Variants in SH3PXD2A observed in about 807,000 individuals in gnomAD.
SH3PXD2A encodes the protein SH3 and PX domains 2A.
A neutral mutation model predicts 115.2 loss-of-function variants in SH3PXD2A; 32 were observed. The ratio of observed to expected loss-of-function variants is 0.28; its 90% confidence interval spans 0.21 to 0.37. SH3PXD2A has a LOEUF of 0.37. Among genes scored for constraint, SH3PXD2A ranks in the 10% least tolerant of loss-of-function variants. The probability of loss-of-function intolerance (pLI) is 1.00; values close to 1 mark genes in which losing one functional copy is unlikely to be tolerated. For synonymous variants in SH3PXD2A, 610 were observed against 629.1 expected (o/e 0.97, Z 0.45); for missense variants, 1,328 against 1,498.7 (o/e 0.89, Z 1.88).
intron 1 of SH3PXD2A, among the ~76,000 whole-genome samples, chr10:103,818,699 T>G (rs1362368224): frequency 2.0e-5 from 3 of 152,152 alleles, no homozygotes; most frequent in Admixed American, 2.0e-4. Flanking sequence ...GAAGATCCTA[T>G]GGCTAGGTGA....
chr10:103,767,619 C>T (rs149535410), intron 2 of SH3PXD2A, among the ~76,000 whole-genome samples: 1 of 151,708 alleles, frequency 6.6e-6, no homozygotes, highest in Non-Finnish European at 1.5e-5. Context: ...ACAGACCACC[C>T]ACCTTCCAGA....
chr10:103,658,060 G>A (rs1402864872), intron 8 of SH3PXD2A, among the ~76,000 whole-genome samples: 2 of 152,262 alleles, frequency 1.3e-5, no homozygotes, highest in Non-Finnish European at 2.9e-5. Context: ...ACTGCATGGT[G>A]TTGTTCCATG....
Position 103,666,811 on chromosome 10 carries a change from G to A in SH3PXD2A, c.472+1797C>T, listed in dbSNP as rs1016491890. Among the ~76,000 whole-genome samples, 1 of 152,248 alleles carries A rather than the reference G, an allele frequency of 6.6e-6. No individual in the cohort carries two copies. The highest frequency in any genetic ancestry group is 2.4e-5 in the African/African-American group (1 of 41,462). On this transcript the variant is annotated intron_variant, in intron 7 of 14. Transcript: ENST00000369774. This position sits in a 1 kb window ranked among gnomAD's most constrained non-coding sequence, Gnocchi z 4.5. Reference sequence around the variant, plus strand: ...GTGGAGGGAATGGGAGATCTGAGGAGCAGCAAAGCTGTTGGTTCCTTCGTG... The same window carrying A: ...GTGGAGGGAATGGGAGATCTGAGGAACAGCAAAGCTGTTGGTTCCTTCGTG...
intron 7 of SH3PXD2A, among the ~76,000 whole-genome samples, chr10:103,664,672 T>C (rs1409585040): frequency 6.9e-6 from 1 of 144,878 alleles, no homozygotes; most frequent in African/African-American, 2.7e-5. Flanking sequence ...TTCTCTCTCT[T>C]TTTTTTTTTT....
chr10:103,699,329 C>T (rs980921757), intron 5 of SH3PXD2A, among the ~76,000 whole-genome samples: 4 of 152,110 alleles, frequency 2.6e-5, no homozygotes, highest in African/African-American at 9.7e-5. Context: ...AAATGATCAG[C>T]GAGTCACCCC....
chr10:103,846,660 A>G (rs1014949666), intron 1 of SH3PXD2A, among the ~76,000 whole-genome samples: 12 of 152,222 alleles, frequency 7.9e-5, no homozygotes, highest in Non-Finnish European at 1.2e-4. Flanking sequence ...AAGCCTGAAA[A>G]GAAACAGTTG....
intron 1 of SH3PXD2A, among the ~76,000 whole-genome samples, chr10:103,818,067 G>A (rs2039342446): frequency 6.6e-6 from 1 of 152,238 alleles, no homozygotes; most frequent in Admixed American, 6.5e-5. Flanking sequence ...TGCATTGTAT[G>A]ATATGAATTC....
At chr10:103,635,502 AC>A (rs898921445) in intron 8 of SH3PXD2A, among the ~76,000 whole-genome samples, 1 of 151,976 alleles carries the variant, frequency 6.6e-6, no homozygotes, top group African/African-American at 2.4e-5. Context: ...TGCTGAGATG[AC>A]CCCTCCCAGA....
At chr10:103,701,593 T>C (rs2134143782) in intron 5 of SH3PXD2A, among the ~76,000 whole-genome samples, 1 of 125,816 alleles carries the variant, frequency 7.9e-6, no homozygotes, top group South Asian at 2.9e-4. Context: ...CATCCATCCA[T>C]CATGCATCCA....
At chr10:103,789,920 CAAT>C (rs1448219377) in intron 2 of SH3PXD2A, among the ~76,000 whole-genome samples, 1 of 152,172 alleles carries the variant, frequency 6.6e-6, no homozygotes, top group Non-Finnish European at 1.5e-5. Context: ...TATTATTCAA[CAAT>C]GAGAGAGGCA....
intron 13 of SH3PXD2A, among the ~76,000 whole-genome samples, chr10:103,608,181 C>G (rs1386964708): frequency 3.4e-5 from 2 of 58,120 alleles, no homozygotes; most frequent in Non-Finnish European, 6.6e-5. Context: ...GAACACAGGA[C>G]AGAGGCAGAC....
At chr10:103,642,677 A>AAAGAT (rs2133985720) in intron 8 of SH3PXD2A, among the ~76,000 whole-genome samples, 1 of 152,326 alleles carries the variant, frequency 6.6e-6, no homozygotes, top group East Asian at 1.9e-4. Context: ...AAAGAAAAGA[A>AAAGAT]TGGAAAGTGC....
chr10:103,693,001 AGG>A (rs771804894), intron 6 of SH3PXD2A, 25 bp downstream of exon 6: 44 of 1,603,070 alleles, frequency 2.7e-5, no homozygotes, highest in Non-Finnish European at 3.6e-5. Context: ...GGAAGGCTGA[AGG>A]GAAAACGCCC....
chr10:103,740,339 A>T (rs1027121538), intron 3 of SH3PXD2A, among the ~76,000 whole-genome samples: 1 of 152,174 alleles, frequency 6.6e-6, no homozygotes, highest in Non-Finnish European at 1.5e-5. Context: ...TTGCACTTGG[A>T]TCATGTCAAG....
At chr10:103,755,598 G>A (rs1052599416) in intron 3 of SH3PXD2A, among the ~76,000 whole-genome samples, 1 of 152,086 alleles carries the variant, frequency 6.6e-6, no homozygotes, top group East Asian at 1.9e-4. Flanking sequence ...AGGTTTGTCT[G>A]GCTGTAAGTC....
intron 6 of SH3PXD2A, among the ~76,000 whole-genome samples, chr10:103,687,379 T>C (rs570256823): frequency 6.6e-6 from 1 of 152,176 alleles, no homozygotes; most frequent in African/African-American, 2.4e-5. Context: ...ACAGAACAGG[T>C]GAGATAATCT....
chr10:103,786,701 G>A (rs2134246742), intron 2 of SH3PXD2A, among the ~76,000 whole-genome samples: 1 of 152,260 alleles, frequency 6.6e-6, no homozygotes, highest in African/African-American at 2.4e-5. Flanking sequence ...TTGAAAAATG[G>A]GGGAGAGTGG....
chr10:103,823,243 T>A lies in SH3PXD2A; in HGVS notation c.73-21881A>T, dbSNP rs189656253. ...TAGGTTTGCTGACAGGGAGAGAGGA[T>A]GTGCCACGGATGCCATGAGAAAAGC... On this transcript the variant is annotated intron_variant, in intron 1 of 14. Coordinates refer to ENST00000369774, the MANE Select transcript of SH3PXD2A (RefSeq NM_001394015.1). Among the ~76,000 whole-genome samples, 25 of 152,354 alleles carry A rather than the reference T, an allele frequency of 1.6e-4. No homozygotes were observed. The East Asian group carries it at 4.6e-3, about 28-fold the overall frequency.
chr10:103,718,747 TC>T lies in SH3PXD2A; in HGVS notation c.398+5522del, dbSNP rs201471143. Among the ~76,000 whole-genome samples the T allele has an allele frequency of 5.4e-3, 599 of 110,956 alleles. 3 individuals carry two copies. The highest frequency in any genetic ancestry group is 0.02 in the African/African-American group (572 of 28,604). The allele number at this position is 110,956 out of a possible 152,430, so 72.8% of individuals were successfully genotyped here. ...TCCTTTCCCTTTCTGCTCCCCTCCC[TC>T]CCCCCAATCAGGACACACACACACA... On this transcript the variant is annotated intron_variant, in intron 5 of 14. Transcript: ENST00000369774.
Sources: allele counts gnomAD v4.1 joint callset (sites outside exome capture counted in the v4.1 genomes callset), GRCh38; gene constraint gnomAD v4.1.1; non-coding constraint Gnocchi (gnomAD v3.1); transcripts MANE v1.5; gene names NCBI Gene and HGNC (gene_info 2026-07-23, HGNC 2026-07-21).